The following WDR33 variants were observed in gnomAD, a reference collection of about 807,000 sequenced individuals.
WDR33 encodes pre-mRNA 3' end processing protein WDR33.
WDR33 carries 47 observed loss-of-function variants against 164.9 expected under a neutral mutation model. The observed-to-expected ratio is 0.29, with a 90% CI of 0.23 to 0.36. The LOEUF (loss-of-function observed/expected upper bound fraction) is 0.36. Among genes scored for constraint, WDR33 ranks in the 10% least tolerant of loss-of-function variants. The pLI is 1.00. For missense variants in WDR33, 1,137 were observed against 1,754.1 expected (o/e 0.65, Z 6.28); for synonymous variants, 505 against 589.0 (o/e 0.86, Z 2.06).
Position 127,710,433 on chromosome 2 carries a change from G to T in WDR33, c.3309-577C>A, listed in dbSNP as rs564067041. ...GGTAGGGGCTCTGCCATCTGCCCCAGCCCACAGCCTCCACCCAGGGGCAGG... is the reference window on the plus strand; with the variant it reads ...GGTAGGGGCTCTGCCATCTGCCCCATCCCACAGCCTCCACCCAGGGGCAGG... On this transcript the variant is annotated intron_variant, in intron 18 of 21. Coordinates refer to ENST00000322313, the MANE Select transcript of WDR33 (RefSeq NM_018383.5). This position sits in a 1 kb window ranked among gnomAD's most constrained non-coding sequence, Gnocchi z 4.4. Among the ~76,000 whole-genome samples, 5 of 152,318 alleles carry T rather than the reference G, an allele frequency of 3.3e-5. No homozygotes were observed. The highest frequency in any genetic ancestry group is 6.5e-5 in the Admixed American group (1 of 15,308).
chr2:127,772,856 C>T, intron 1 of WDR33, among the ~76,000 whole-genome samples: 1 of 151,658 alleles, frequency 6.6e-6, no homozygotes, highest in South Asian at 2.1e-4. Flanking sequence ...GGCATGGTGG[C>T]TCACATCTGT....
chr2:127,709,819 C>T lies in WDR33; in HGVS notation c.3346G>A (p.Ala1116Thr), dbSNP rs950547817. Residue 1116 changes from alanine to threonine, a missense_variant, in exon 19 of 22, where the codon GCT becomes ACT. Ala to Thr is a moderately conservative substitution (Grantham distance 58). Transcript: ENST00000322313. The surrounding 1 kb of genome is among the most constrained non-coding windows in gnomAD (Gnocchi z 5.0). Reference sequence around the variant, plus strand: ...AAACCATCCCTTCCTCTGGGGGGAGCACGGCCCTCATGCCTCGGCGGGGCT... The same window carrying T: ...AAACCATCCCTTCCTCTGGGGGGAGTACGGCCCTCATGCCTCGGCGGGGCT... ...RGAPPRHEGR[A>T]PPRGRDGFPG... is the part of the protein sequence containing the mutation. 1.2e-6 allele frequency: 2 copies of T among 1,614,222 alleles called. No homozygotes were observed. The highest frequency in any genetic ancestry group is 1.7e-6 in the Non-Finnish European group (2 of 1,180,046).
chr2:127,809,428 CTTTTTT>C (rs70985478), intron 1 of WDR33, among the ~76,000 whole-genome samples: 2 of 94,616 alleles, frequency 2.1e-5, no homozygotes, highest in African/African-American at 4.5e-5. Context: ...AGCCAAATTC[CTTTTTT>C]TTTTTTTTTT....
intron 1 of WDR33, among the ~76,000 whole-genome samples, chr2:127,785,651 C>CT (rs1252937159): frequency 6.6e-5 from 10 of 150,774 alleles, no homozygotes; most frequent in South Asian, 2.1e-4. Flanking sequence ...GTCTTGATAG[C>CT]TTTTTTTTGT....
rs914937771 is a variant in WDR33, at chr2:127,761,331, G to T, written c.724+1731C>A. Among the ~76,000 whole-genome samples the T allele has an allele frequency of 3.3e-5, 5 of 151,576 alleles. No individual in the cohort carries two copies. The South Asian group carries it at 1.1e-3, about 32-fold the overall frequency. On this transcript the variant is annotated intron_variant, in intron 7 of 21. Coordinates refer to ENST00000322313, the MANE Select transcript of WDR33 (RefSeq NM_018383.5). ...GTCTCCTGCCTCAGCCTCCCGAGTA[G>T]CTGGGACTACAGGCGCCCACCACGA...
chr2:127,725,287 A>G, intron 8 of WDR33, 72 bp from the exon 9 acceptor site: 1 of 1,442,240 alleles, frequency 6.9e-7, no homozygotes, highest in Middle Eastern at 2.4e-4. Flanking sequence ...TTTTTGTTGA[A>G]AAGCGAATTA....
At position 127,706,478 on chromosome 2, in the gene WDR33, C is replaced by T. The variant is rs752759057; in HGVS notation, c.3856G>A (p.Asp1286Asn). Residue 1286 changes from aspartate to asparagine, a missense_variant, in exon 22 of 22, where the codon GAT becomes AAT. Asp to Asn is a conservative substitution (Grantham distance 23). Around this residue, in one of 9 missense-constraint regions of WDR33, gnomAD observed 867 missense variants for 1,073.0 expected, o/e 0.81. Coordinates refer to ENST00000322313, the MANE Select transcript of WDR33 (RefSeq NM_018383.5). The surrounding 1 kb of genome is among the most constrained non-coding windows in gnomAD (Gnocchi z 5.1). ...RSSSLDGEHHDGYHRDEPFGG... is the reference protein window; with the variant it reads ...RSSSLDGEHHNGYHRDEPFGG... ...AAAGGTTCATCTCTGTGGTATCCATCGTGGTGCTCTCCGTCTAAGGAGCTG... is the reference window on the plus strand; with the variant it reads ...AAAGGTTCATCTCTGTGGTATCCATTGTGGTGCTCTCCGTCTAAGGAGCTG... The T allele has an allele frequency of 4.3e-6, 7 of 1,613,432 alleles. No homozygotes were observed. The highest frequency in any genetic ancestry group is 5.9e-6 in the Non-Finnish European group (7 of 1,179,778).
chr2:127,730,873 T>C (rs1686684902), intron 7 of WDR33, among the ~76,000 whole-genome samples: 1 of 152,146 alleles, frequency 6.6e-6, no homozygotes, highest in South Asian at 2.1e-4. Context: ...ATGGATTATA[T>C]TTTGTGTGTG....
At position 127,806,183 on chromosome 2, in the gene WDR33, A is replaced by T. The variant is rs962482792; in HGVS notation, c.-24+4829T>A. 4.0e-5 allele frequency among the ~76,000 whole-genome samples: 6 copies of T among 150,848 alleles called. No homozygotes were observed. In the South Asian group the frequency reaches 1.3e-3, roughly 32 times the overall value. ...TAAATTAAAATGCTTACAGTGGCTCATCATCTCTTTAGTTGTTTTTCTTTT... is the reference window on the plus strand; with the variant it reads ...TAAATTAAAATGCTTACAGTGGCTCTTCATCTCTTTAGTTGTTTTTCTTTT... On this transcript the variant is annotated intron_variant, in intron 1 of 21. Transcript: ENST00000322313.
rs1282090386 is a variant in WDR33, at chr2:127,770,987, T to A, written c.-6A>T. 1 of 1,613,590 alleles carries A rather than the reference T, an allele frequency of 6.2e-7. No individual in the cohort carries two copies. The highest frequency in any genetic ancestry group is 8.5e-7 in the Non-Finnish European group (1 of 1,179,690). ...GAACCAATTTCTGTAGCCATGGTGA[T>A]GTTTTCCTTCTAGGATACTAGGATA... On this transcript the variant is annotated 5_prime_UTR_variant, in exon 2 of 22. Coordinates refer to ENST00000322313, the MANE Select transcript of WDR33 (RefSeq NM_018383.5). The surrounding 1 kb of genome is among the most constrained non-coding windows in gnomAD (Gnocchi z 4.9).
rs1474666951 is a variant in WDR33 at position 127,738,396 on chromosome 2, A to T, written c.725-11619T>A. 6.6e-6 allele frequency among the ~76,000 whole-genome samples: 1 copy of T among 152,134 alleles called. No homozygotes were observed. The highest frequency in any genetic ancestry group is 1.5e-5 in the Non-Finnish European group (1 of 68,018). ...AGAGTGAAGTCTCCCATGCCTAAGA[A>T]TTCCACATAATTTACACAGTTACTC... On this transcript the variant is annotated intron_variant, in intron 7 of 21. Coordinates refer to ENST00000322313, the MANE Select transcript of WDR33 (RefSeq NM_018383.5). The surrounding 1 kb of genome is among the most constrained non-coding windows in gnomAD (Gnocchi z 4.4).
At chr2:127,796,385 C>T (rs980338481) in intron 1 of WDR33, among the ~76,000 whole-genome samples, 1 of 151,714 alleles carries the variant, frequency 6.6e-6, no homozygotes. Context: ...TTAATTTTCT[C>T]ATGTGTGAGA....
chr2:127,772,154 C>T lies in WDR33; in HGVS notation c.-23-1150G>A, dbSNP rs369035617. ...TTACATTTTTAAAATTAAAATTTCA[C>T]AGCTGGGCGCAGTGGCTCATGCCTG... On this transcript the variant is annotated intron_variant, in intron 1 of 21. Coordinates refer to ENST00000322313, the MANE Select transcript of WDR33 (RefSeq NM_018383.5). Among the ~76,000 whole-genome samples the T allele has an allele frequency of 2.0e-5, 3 of 150,324 alleles. 1 individual carries two copies. Among genetic ancestry groups the T allele is most frequent in the African/African-American group, 7.3e-5 (3 of 41,064 alleles).
At position 127,713,975 on chromosome 2, in the gene WDR33, C is replaced by G. The variant is rs1157611909; in HGVS notation, c.2916G>C (p.Glu972Asp). The G allele has an allele frequency of 6.4e-7, 1 of 1,554,318 alleles. No homozygotes were observed. The highest frequency in any genetic ancestry group is 2.3e-5 in the East Asian group (1 of 44,416). The stretch of plus-strand genomic sequence containing the variant: ...GCCCGCCGCTCTGCTCATGCCGCCT[C>G]TCTGACATCGGGCCCATGTGATGGT... ...PPNHHMGPMS[E>D]RRHEQSGGPE... The change falls in exon 18 of 22, where the codon GAG becomes GAC. Residue 972 changes from glutamate to aspartate, a missense_variant. Glu to Asp is a conservative substitution (Grantham distance 45). Coordinates refer to ENST00000322313, the MANE Select transcript of WDR33 (RefSeq NM_018383.5). This position sits in a 1 kb window ranked among gnomAD's most constrained non-coding sequence, Gnocchi z 6.2.
chr2:127,737,128 A>AT (rs1262773522), intron 7 of WDR33: 5 of 985,278 alleles, frequency 5.1e-6, no homozygotes, highest in Non-Finnish European at 6.0e-6. Context: ...AAAAATTTAC[A>AT]TTTTTTTAAA....
Position 127,806,658 on chromosome 2 carries a change from C to T in WDR33, c.-24+4354G>A, listed in dbSNP as rs182269709. On this transcript the variant is annotated intron_variant, in intron 1 of 21. Coordinates refer to ENST00000322313, the MANE Select transcript of WDR33 (RefSeq NM_018383.5). The stretch of plus-strand genomic sequence containing the variant: ...AACCAACTCTTCAACAACTGTGGAA[C>T]AAAGCCAAAAAAAAATAGAACTACA... 5.0e-4 allele frequency among the ~76,000 whole-genome samples: 67 copies of T among 132,686 alleles called. 2 individuals carry two copies. In the East Asian group the frequency reaches 0.013, roughly 26 times the overall value. 87.0% of individuals were successfully genotyped at this position (132,686 alleles called of 152,430 possible).
Position 127,713,769 on chromosome 2 carries a change from T to C in WDR33, c.3122A>G (p.Gln1041Arg). 6.2e-7 allele frequency: 1 copy of C among 1,614,260 alleles called. No homozygotes were observed. The highest frequency in any genetic ancestry group is 8.5e-7 in the Non-Finnish European group (1 of 1,180,044). Reference sequence around the variant, plus strand: ...GCCCCCTCGCCTCCACTTCTCTTCTTGCGGTAAAGGTCCTCCTCGCCCCTC... The same window carrying C: ...GCCCCCTCGCCTCCACTTCTCTTCTCGCGGTAAAGGTCCTCCTCGCCCCTC... ...EFEGRGGPLP[Q>R]EEKWRRGGPG... The change falls in exon 18 of 22, where the codon CAA becomes CGA. Residue 1041 changes from glutamine to arginine, a missense_variant. Physicochemically the swap from Gln to Arg is conservative, Grantham distance 43. Around this residue, in one of 9 missense-constraint regions of WDR33, gnomAD observed 867 missense variants for 1,073.0 expected, o/e 0.81. Coordinates refer to ENST00000322313, the MANE Select transcript of WDR33 (RefSeq NM_018383.5). The surrounding 1 kb of genome is among the most constrained non-coding windows in gnomAD (Gnocchi z 6.2).
intron 1 of WDR33, among the ~76,000 whole-genome samples, chr2:127,772,994 A>T (rs1429596385): frequency 6.6e-6 from 1 of 151,412 alleles, no homozygotes; most frequent in East Asian, 1.9e-4. Flanking sequence ...TAATTAGCCC[A>T]GTGTGCTGGT....
rs1355990152 is a variant in WDR33 at position 127,701,891 on chromosome 2, G to T, written c.*4432C>A. On this transcript the variant is annotated 3_prime_UTR_variant, in exon 22 of 22. Transcript: ENST00000322313. ...CACTGGGCTCGGCGCTGGCGTTGGC[G>T]GGAAGCGCGCTGCTGCGGGGCGGCG... The T allele has an allele frequency of 4.1e-6, 6 of 1,456,504 alleles. No individual in the cohort carries two copies. Among genetic ancestry groups the T allele is most frequent in the Middle Eastern group, 2.4e-4 (1 of 4,222 alleles). 90.2% of individuals were successfully genotyped at this position (1,456,504 alleles called of 1,614,324 possible).
Sources: gnomAD v4.1 joint callset for allele counts (sites outside exome capture counted in the v4.1 genomes callset) on GRCh38, gnomAD v4.1.1 for gene constraint, gnomAD v4.1.1 regional missense constraint, Gnocchi (gnomAD v3.1) non-coding constraint, MANE v1.5 for transcripts, NCBI Gene and HGNC (gene_info 2026-07-23, HGNC 2026-07-21) for gene names.